VIRMA: variants seen among roughly 807,000 people sequenced by gnomAD.
VIRMA encodes protein virilizer homolog.
In VIRMA, 65 loss-of-function variants were observed where a neutral mutation model predicts 182.4. That is an observed-to-expected ratio of 0.36 (90% CI 0.29 to 0.44). The LOEUF (loss-of-function observed/expected upper bound fraction) is 0.44. Among genes scored for constraint, VIRMA ranks in the 20% least tolerant of loss-of-function variants. VIRMA has a pLI of 1.00. For synonymous variants in VIRMA, 709 were observed against 743.1 expected (o/e 0.95, Z 0.75); for missense variants, 1,752 against 2,158.1 (o/e 0.81, Z 3.73).
rs747608440 is a variant in VIRMA at position 94,530,921 on chromosome 8, A to G, written c.607+42T>C. Reference sequence around the variant, plus strand: ...CTCAAAACAAAAACAAAAATGTACTATTAACTAGGGGGGAAAACCTTAGCA... The same window carrying G: ...CTCAAAACAAAAACAAAAATGTACTGTTAACTAGGGGGGAAAACCTTAGCA... On this transcript the variant is annotated intron_variant, in intron 6 of 23. Coordinates refer to ENST00000297591, the MANE Select transcript of VIRMA (RefSeq NM_015496.5). 6 of 1,581,104 alleles carry G rather than the reference A, an allele frequency of 3.8e-6. No homozygotes were observed. The Admixed American group carries it at 5.5e-5, about 15-fold the overall frequency.
Position 94,495,647 on chromosome 8 carries a change from G to GA in VIRMA, c.4544+83dup, listed in dbSNP as rs570567345. On this transcript the variant is annotated intron_variant, in intron 19 of 23. Transcript: ENST00000297591. The stretch of plus-strand genomic sequence containing the variant: ...AATTCTTACTATCTGGCCCTTTATA[G>GA]AAAAAAACGTTTGCTGGCACCCCCT... The GA allele has an allele frequency of 1.6e-4, 187 of 1,135,712 alleles. 4 individuals are homozygous for GA. The Middle Eastern group carries it at 2.4e-3, about 14-fold the overall frequency. The allele number at this position is 1,135,712 out of a possible 1,614,324, so 70.4% of individuals were successfully genotyped here.
chr8:94,492,610 T>C (rs771416439), intron 21 of VIRMA, 42 bp downstream of exon 21: 1 of 1,552,130 alleles, frequency 6.4e-7, no homozygotes, highest in Non-Finnish European at 8.9e-7. Flanking sequence ...ATACATAAGC[T>C]TATGTGATGA....
chr8:94,511,935 A>G, intron 12 of VIRMA, 61 bp downstream of exon 12: 4 of 909,794 alleles, frequency 4.4e-6, no homozygotes, highest in Non-Finnish European at 4.6e-6. Context: ...TAAATATTTA[A>G]TAAATGATAT....
chr8:94,545,460 G>A (rs1161731134), intron 1 of VIRMA, among the ~76,000 whole-genome samples: 1 of 152,106 alleles, frequency 6.6e-6, no homozygotes, highest in Non-Finnish European at 1.5e-5. Flanking sequence ...TATTTTGTTT[G>A]TATATAAAAG....
At chr8:94,553,240 T>TCA (rs1816069222) in intron 1 of VIRMA, 145 bp downstream of exon 1, 2 of 788,298 alleles carry the variant, frequency 2.5e-6, no homozygotes, top group Non-Finnish European at 4.3e-6. Context: ...GACGCGATGC[T>TCA]CACACAGCTC....
intron 2 of VIRMA, among the ~76,000 whole-genome samples, chr8:94,541,867 G>A (rs962370203): frequency 4.6e-5 from 7 of 152,042 alleles, no homozygotes; most frequent in African/African-American, 1.4e-4. Flanking sequence ...GTTTTACTGC[G>A]TTAATACTTT....
At chr8:94,505,667 T>C (rs1181822761) in intron 16 of VIRMA, among the ~76,000 whole-genome samples, 4 of 151,962 alleles carry the variant, frequency 2.6e-5, no homozygotes, top group African/African-American at 9.7e-5. Flanking sequence ...ATTTTTTTTA[T>C]AGAGATAAGT....
At chr8:94,490,165 CA>C in intron 22 of VIRMA, 83 bp from the exon 23 acceptor site, 4 of 1,438,356 alleles carry the variant, frequency 2.8e-6, no homozygotes, top group Non-Finnish European at 3.8e-6. Flanking sequence ...TCTTAATCTT[CA>C]AAAGAATGGA....
At position 94,490,095 on chromosome 8, in the gene VIRMA, A is replaced by G. The variant is rs1295321690; in HGVS notation, c.5141-13T>C. The stretch of plus-strand genomic sequence containing the variant: ...CGACTGTAGTTTCCTAAACACAAAC[A>G]GCACAATCAAAATCACTTTTTTCAC... On this transcript the variant is annotated splice_polypyrimidine_tract_variant and intron_variant, in intron 22 of 23. Transcript: ENST00000297591. 2 of 1,586,786 alleles carry G rather than the reference A, an allele frequency of 1.3e-6. No individual in the cohort carries two copies. Among genetic ancestry groups the G allele is most frequent in the Non-Finnish European group, 8.6e-7 (1 of 1,168,396 alleles).
At chr8:94,492,306 C>A (rs3102855) in intron 21 of VIRMA, among the ~76,000 whole-genome samples, 4 of 147,584 alleles carry the variant, frequency 2.7e-5, no homozygotes, top group Admixed American at 2.7e-4. Context: ...TTTTGAGAGA[C>A]AGAGTCTTGC....
chr8:94,514,819 A>ACTAC, intron 11 of VIRMA, 50 bp downstream of exon 11: 2 of 879,354 alleles, frequency 2.3e-6, no homozygotes, highest in South Asian at 1.6e-5. Context: ...ATCACCATGT[A>ACTAC]CTACCACACA....
intron 16 of VIRMA, among the ~76,000 whole-genome samples, chr8:94,503,926 A>G (rs2130287546): frequency 6.6e-6 from 1 of 152,278 alleles, no homozygotes; most frequent in African/African-American, 2.4e-5. Context: ...TAATTCCAAC[A>G]CTTTGTGAGG....
chr8:94,524,053 G>A (rs1814867783), intron 8 of VIRMA, among the ~76,000 whole-genome samples: 1 of 151,464 alleles, frequency 6.6e-6, no homozygotes, highest in Non-Finnish European at 1.5e-5. Flanking sequence ...AGGCTGGAGT[G>A]CAATGGTGAG....
At chr8:94,511,124 T>C (rs1291922659) in intron 13 of VIRMA, 61 bp downstream of exon 13, 1 of 1,556,724 alleles carries the variant, frequency 6.4e-7, no homozygotes, top group Admixed American at 2.2e-5. Context: ...ACAAAATCAC[T>C]GGCTTTTTAA....
chr8:94,523,227 ATTG>A (rs1372341633), intron 8 of VIRMA, among the ~76,000 whole-genome samples: 1 of 152,156 alleles, frequency 6.6e-6, no homozygotes, highest in Non-Finnish European at 1.5e-5. Flanking sequence ...TGCCCCAGGA[ATTG>A]TTATTGTTTA....
chr8:94,551,132 T>C (rs1441220212), intron 1 of VIRMA, among the ~76,000 whole-genome samples: 2 of 152,246 alleles, frequency 1.3e-5, no homozygotes, highest in African/African-American at 4.8e-5. Context: ...GACGACTGAC[T>C]ACCCCAGTAG....
chr8:94,537,898 G>A (rs1364324848), intron 3 of VIRMA, among the ~76,000 whole-genome samples: 1 of 152,102 alleles, frequency 6.6e-6, no homozygotes, highest in Non-Finnish European at 1.5e-5. Flanking sequence ...TTGCACAGTA[G>A]TGTGATATGA....
intron 6 of VIRMA, among the ~76,000 whole-genome samples, chr8:94,529,787 G>C (rs975096228): frequency 1.3e-5 from 2 of 151,926 alleles, no homozygotes; most frequent in African/African-American, 4.8e-5. Flanking sequence ...TTACAGGCGT[G>C]TAACACCACA....
In VIRMA at chr8:94,537,906, T is replaced by C. The variant is rs1267279641; in HGVS notation, c.266+354A>G. On this transcript the variant is annotated intron_variant, in intron 3 of 23. Coordinates refer to ENST00000297591, the MANE Select transcript of VIRMA (RefSeq NM_015496.5). ...TTATAAATTGCACAGTAGTGTGATA[T>C]GAAAGACACACATAAAATATTAGCT... Among the ~76,000 whole-genome samples, 4 of 152,168 alleles carry C rather than the reference T, an allele frequency of 2.6e-5. No individual in the cohort carries two copies. The East Asian group carries it at 7.7e-4, about 29-fold the overall frequency.
Sources: allele counts gnomAD v4.1 joint callset (sites outside exome capture counted in the v4.1 genomes callset), GRCh38; gene constraint gnomAD v4.1.1; transcripts MANE v1.5; gene names NCBI Gene and HGNC (gene_info 2026-07-23, HGNC 2026-07-21).